Variants in ATP1B3 observed in about 807,000 individuals in gnomAD.
ATP1B3 encodes ATPase Na+/K+ transporting subunit beta 3, also known as sodium/potassium-transporting ATPase subunit beta-3.
ATP1B3 carries 10 observed loss-of-function variants against 30.2 expected under a neutral mutation model. The observed-to-expected ratio is 0.33, with a 90% CI of 0.20 to 0.56. The LOEUF (loss-of-function observed/expected upper bound fraction) is 0.56. ATP1B3 is among the 20% of genes least tolerant of loss of function. The pLI is 0.90. For synonymous variants in ATP1B3, 113 were observed against 117.0 expected, an observed-to-expected ratio of 0.97 and a Z score of 0.22; for missense variants, 238 against 336.7, an observed-to-expected ratio of 0.71 and a Z score of 2.29.
chr3:141,912,645 T>G (rs1317194454), intron 3 of ATP1B3, among the ~76,000 whole-genome samples: 1 of 152,222 alleles, frequency 6.6e-6, no homozygotes, highest in Admixed American at 6.5e-5. Context: ...GGCACTGTTA[T>G]ATCATATGTT....
At chr3:141,899,607 C>T (rs1157956718) in intron 1 of ATP1B3, among the ~76,000 whole-genome samples, 6 of 152,178 alleles carry the variant, frequency 3.9e-5, no homozygotes, top group African/African-American at 7.2e-5. Flanking sequence ...CAGTGGCTCA[C>T]GCCTGTAATC....
At chr3:141,903,407 G>A (rs372650088) in intron 1 of ATP1B3, among the ~76,000 whole-genome samples, 8 of 152,238 alleles carry the variant, frequency 5.3e-5, no homozygotes, top group East Asian at 1.9e-4. Context: ...CAGGGAAAAG[G>A]AGGGGTCATG....
At chr3:141,894,326 A>T (rs6773890) in intron 1 of ATP1B3, among the ~76,000 whole-genome samples, 1 of 148,862 alleles carries the variant, frequency 6.7e-6, no homozygotes, top group African/African-American at 2.5e-5. Flanking sequence ...ACTTTTTACA[A>T]TTTTTTTTTT....
intron 1 of ATP1B3, among the ~76,000 whole-genome samples, chr3:141,883,436 T>C (rs527317643): frequency 6.6e-6 from 1 of 152,310 alleles, no homozygotes; most frequent in East Asian, 1.9e-4. Flanking sequence ...GAGGATCACC[T>C]GAGTCCAGGA....
intron 6 of ATP1B3, among the ~76,000 whole-genome samples, chr3:141,923,424 CTG>C (rs368195710): frequency 6.9e-4 from 105 of 152,354 alleles, no homozygotes; most frequent in African/African-American, 2.4e-3. Flanking sequence ...CCTCAGGACT[CTG>C]TTGAAAGTAC....
chr3:141,890,086 CTTTTTTTTTTTTT>C (rs1245235657), intron 1 of ATP1B3, among the ~76,000 whole-genome samples: 2 of 107,550 alleles, frequency 1.9e-5, no homozygotes, highest in Non-Finnish European at 3.6e-5. Flanking sequence ...AATTTTTTTT[CTTTTTTTTTTTTT>C]TTTTTTTTTG....
intron 1 of ATP1B3, among the ~76,000 whole-genome samples, chr3:141,879,564 G>A (rs1933680369): frequency 6.6e-6 from 1 of 151,552 alleles, no homozygotes; most frequent in Non-Finnish European, 1.5e-5. Flanking sequence ...TTGAGGGCAG[G>A]AGTTCAAGAC....
intron 1 of ATP1B3, among the ~76,000 whole-genome samples, chr3:141,892,672 A>C (rs947593036): frequency 7.0e-5 from 10 of 143,062 alleles, no homozygotes; most frequent in African/African-American, 2.5e-4. Flanking sequence ...AAAAAAAAAA[A>C]AAAACAGTTA....
chr3:141,899,891 T>G (rs8179994), intron 1 of ATP1B3, among the ~76,000 whole-genome samples: 21,073 of 151,742 alleles, frequency 0.14, 1,706 homozygotes, highest in East Asian at 0.39. Context: ...GTCAGTTGAG[T>G]GTGGTGGCAC....
intron 2 of ATP1B3, among the ~76,000 whole-genome samples, chr3:141,905,311 G>A (rs572511701): frequency 2.4e-4 from 37 of 152,190 alleles, no homozygotes; most frequent in African/African-American, 6.5e-4. Flanking sequence ...ATATGGCAGC[G>A]TCTGGAAATA....
intron 1 of ATP1B3, among the ~76,000 whole-genome samples, chr3:141,887,628 C>T (rs1411610352): frequency 6.6e-6 from 1 of 152,126 alleles, no homozygotes; most frequent in Non-Finnish European, 1.5e-5. Context: ...CATAGTAGCC[C>T]TATTCATAAT....
At position 141,890,285 on chromosome 3, in the gene ATP1B3, CTTTTTTTTTTTTT is replaced by C. The variant is rs775182342; in HGVS notation, c.110-13312_110-13300del. On this transcript the variant is annotated intron_variant, in intron 1 of 6. Transcript: ENST00000286371. ...TTTGTTTGTTTGTTTTTTTGTGGGG[CTTTTTTTTTTTTT>C]TTTTTTTTTTTTTTTTTTTTTTGAG... Among the ~76,000 whole-genome samples, 11 of 28,568 alleles carry C rather than the reference CTTTTTTTTTTTTT, an allele frequency of 3.9e-4. 1 individual carries two copies. Among genetic ancestry groups the C allele is most frequent in the East Asian group, 4.6e-3 (2 of 432 alleles). The allele number at this position is 28,568 out of a possible 152,430, so 18.7% of individuals were successfully genotyped here. A position where few individuals can be genotyped will look rare whatever the true frequency, so the allele number is the denominator to read the frequency against.
In ATP1B3 at chr3:141,916,033, A is replaced by C; in HGVS notation, c.582+13A>C. ...TTGTGTTTCAAAGGTTAGTATTCAA[A>C]AAGTAACTCCTGTTAAATCTTTGAT... On this transcript the variant is annotated intron_variant, in intron 5 of 6. Transcript: ENST00000286371. 6.3e-7 allele frequency: 1 copy of C among 1,594,282 alleles called. No individual in the cohort carries two copies. The highest frequency in any genetic ancestry group is 8.6e-7 in the Non-Finnish European group (1 of 1,167,548).
intron 1 of ATP1B3, among the ~76,000 whole-genome samples, chr3:141,893,488 A>G (rs980164529): frequency 1.3e-5 from 2 of 152,020 alleles, no homozygotes; most frequent in African/African-American, 4.8e-5. Flanking sequence ...TTCTCTCCCC[A>G]ATGTCTCAAC....
chr3:141,913,954 G>C, intron 4 of ATP1B3, 118 bp downstream of exon 4: 1 of 992,322 alleles, frequency 1.0e-6, no homozygotes, highest in East Asian at 2.6e-5. Context: ...TTATCATTTG[G>C]GGGGTAGCTT....
chr3:141,909,662 A>G (rs372770749), intron 3 of ATP1B3, among the ~76,000 whole-genome samples: 19 of 152,350 alleles, frequency 1.2e-4, no homozygotes, highest in African/African-American at 4.3e-4. Context: ...GGAGTGAGCC[A>G]GGGGAGAGCA....
intron 1 of ATP1B3, among the ~76,000 whole-genome samples, chr3:141,877,972 C>T (rs1345182723): frequency 6.6e-6 from 1 of 152,016 alleles, no homozygotes; most frequent in Non-Finnish European, 1.5e-5. Context: ...TATTTGGGCA[C>T]AACATTTTTA....
At chr3:141,877,394 C>G (rs1031545832) in intron 1 of ATP1B3, 2 of 152,278 alleles carry the variant, frequency 1.3e-5, no homozygotes, top group Non-Finnish European at 2.9e-5. Context: ...TCCACTCCCG[C>G]CGCTATCTTG....
At chr3:141,893,434 C>G (rs1156718869) in intron 1 of ATP1B3, among the ~76,000 whole-genome samples, 1 of 152,172 alleles carries the variant, frequency 6.6e-6, no homozygotes, top group Non-Finnish European at 1.5e-5. Context: ...TTGCCCCACC[C>G]TCTTTTCCTG....
Sources: gnomAD v4.1 joint callset for allele counts (sites outside exome capture counted in the v4.1 genomes callset) on GRCh38, gnomAD v4.1.1 for gene constraint, MANE v1.5 for transcripts, NCBI Gene and HGNC (gene_info 2026-07-23, HGNC 2026-07-21) for gene names.